FTCDNL1: variants seen among roughly 807,000 people sequenced by gnomAD.
The protein encoded by FTCDNL1 is formiminotransferase N-terminal subdomain-containing protein.
In FTCDNL1, 11 loss-of-function variants were observed where a neutral mutation model predicts 5.9. That is an observed-to-expected ratio of 1.87 (90% CI 1.18 to 3.10). The LOEUF (loss-of-function observed/expected upper bound fraction) is 3.10. Ranked by LOEUF, FTCDNL1 falls within the 30% of genes most tolerant of loss-of-function variation. The pLI is 0.00. For synonymous variants in FTCDNL1, 58 were observed against 24.8 expected, an observed-to-expected ratio of 2.34 and a Z score of -3.99; for missense variants, 115 against 65.5, an observed-to-expected ratio of 1.76 and a Z score of -2.61.
chr2:199,727,452 G>C, the FTCDNL1 span, among the ~76,000 whole-genome samples: 1 of 152,170 alleles, frequency 6.6e-6, no homozygotes, highest in East Asian at 1.9e-4. Flanking sequence ...CAGATCTGTG[G>C]CAAAAGTGTG....
intron 3 of FTCDNL1, among the ~76,000 whole-genome samples, chr2:199,802,860 G>C (rs1233846547): frequency 6.6e-6 from 1 of 152,070 alleles, no homozygotes; most frequent in Non-Finnish European, 1.5e-5. Context: ...CACAAAACTA[G>C]AAGCTAATAG....
chr2:199,724,143 T>A, the FTCDNL1 span, among the ~76,000 whole-genome samples: 4 of 152,204 alleles, frequency 2.6e-5, no homozygotes, highest in African/African-American at 9.6e-5. Context: ...ATATATCCAT[T>A]TCTTTTAGAT....
chr2:199,771,332 C>G (rs1574462662), intron 3 of FTCDNL1, among the ~76,000 whole-genome samples: 1 of 152,226 alleles, frequency 6.6e-6, no homozygotes, highest in South Asian at 2.1e-4. Flanking sequence ...TATCAGACAC[C>G]ATTTAGTGCC....
intron 3 of FTCDNL1, among the ~76,000 whole-genome samples, chr2:199,834,545 C>A (rs1702584800): frequency 6.6e-6 from 1 of 152,152 alleles, no homozygotes; most frequent in Non-Finnish European, 1.5e-5. Flanking sequence ...AGCTGTCCAG[C>A]CTCAGGCCTT....
rs187134952 is a variant in FTCDNL1, at chr2:199,823,924, A to G, written c.212-4167T>C. On this transcript the variant is annotated intron_variant, in intron 3 of 4. Transcript: ENST00000420128. ...AACTCCTAGATGGCCTCTTCTTCCA[A>G]TAGAATGTTGTTTCATCAACACTGA... Among the ~76,000 whole-genome samples the G allele has an allele frequency of 4.6e-5, 7 of 152,304 alleles. No homozygotes were observed. The East Asian group carries it at 1.3e-3, about 29-fold the overall frequency.
Position 199,792,130 on chromosome 2 carries a change from T to C in FTCDNL1, c.212-31295A>G, listed in dbSNP as rs1026744415. Among the ~76,000 whole-genome samples, 5 of 137,196 alleles carry C rather than the reference T, an allele frequency of 3.6e-5. No homozygotes were observed. In the South Asian group the frequency reaches 8.7e-4, roughly 24 times the overall value. 90.0% of individuals were successfully genotyped at this position (137,196 alleles called of 152,430 possible). On this transcript the variant is annotated intron_variant, in intron 3 of 3. Coordinates refer to the FTCDNL1 transcript ENST00000416668. The stretch of plus-strand genomic sequence containing the variant: ...AATTTTGTTGAAAAGAAAAAGCAAA[T>C]GGTGGGAGATGAAATTTTGAAAAAA...
the FTCDNL1 span, among the ~76,000 whole-genome samples, chr2:199,715,539 T>C: frequency 6.6e-6 from 1 of 152,216 alleles, no homozygotes; most frequent in African/African-American, 2.4e-5. Context: ...TTCCCAGCCA[T>C]GGGGAACTGT....
At chr2:199,771,502 CAT>C (rs1192953775) in intron 3 of FTCDNL1, among the ~76,000 whole-genome samples, 3 of 152,148 alleles carry the variant, frequency 2.0e-5, no homozygotes, top group South Asian at 2.1e-4. Flanking sequence ...GATAAATACA[CAT>C]GTGTAAAAGA....
the FTCDNL1 span, among the ~76,000 whole-genome samples, chr2:199,707,626 C>T: frequency 0.051 from 7,702 of 151,540 alleles, 676 homozygotes; most frequent in African/African-American, 0.18. Context: ...TAACGTATCT[C>T]GTAGAGCAGG....
chr2:199,711,236 C>T, the FTCDNL1 span, among the ~76,000 whole-genome samples: 5 of 151,894 alleles, frequency 3.3e-5, no homozygotes, highest in South Asian at 1.0e-3. Flanking sequence ...TGAATTCACA[C>T]CCACAGTTTT....
At chr2:199,735,350 G>A in the FTCDNL1 span, among the ~76,000 whole-genome samples, 19 of 152,248 alleles carry the variant, frequency 1.2e-4, 1 homozygote, top group East Asian at 1.2e-3. Flanking sequence ...TGGTACAAGC[G>A]CAGCAACCTT....
At chr2:199,774,619 T>G (rs889664527) in intron 3 of FTCDNL1, among the ~76,000 whole-genome samples, 13 of 152,146 alleles carry the variant, frequency 8.5e-5, no homozygotes, top group African/African-American at 3.1e-4. Context: ...TTAAGGGTTT[T>G]TTTTAGTGCA....
chr2:199,786,477 G>A (rs1559185928), intron 3 of FTCDNL1, among the ~76,000 whole-genome samples: 1 of 152,086 alleles, frequency 6.6e-6, no homozygotes, highest in East Asian at 1.9e-4. Flanking sequence ...CTTTGAACTT[G>A]ATCGAATTCC....
At chr2:199,819,264 CCAGGACCCTG>C in intron 4 of FTCDNL1, 1 of 338,224 alleles carries the variant, frequency 3.0e-6, no homozygotes, top group Non-Finnish European at 5.6e-6. Flanking sequence ...ACAGGGGCCT[CCAGGACCCTG>C]CCCCAGTGCC....
chr2:199,844,682 C>T, intron 3 of FTCDNL1: 1 of 415,346 alleles, frequency 2.4e-6, no homozygotes, highest in South Asian at 7.3e-5. Context: ...CAAAATCTAA[C>T]CTTTCCCCTC....
chr2:199,782,186 T>G (rs1699400339), intron 3 of FTCDNL1, among the ~76,000 whole-genome samples: 1 of 152,228 alleles, frequency 6.6e-6, no homozygotes, highest in Non-Finnish European at 1.5e-5. Context: ...ACTCTCATGC[T>G]CCAGGATCCA....
intron 3 of FTCDNL1, among the ~76,000 whole-genome samples, chr2:199,795,847 C>A (rs1212767153): frequency 6.6e-6 from 1 of 152,038 alleles, no homozygotes; most frequent in Non-Finnish European, 1.5e-5. Flanking sequence ...ATCTCATTGT[C>A]ATCCATATTT....
At chr2:199,671,486 ACCT>A in the FTCDNL1 span, among the ~76,000 whole-genome samples, 3 of 151,836 alleles carry the variant, frequency 2.0e-5, no homozygotes, top group Non-Finnish European at 4.4e-5. Context: ...GAAAAAAAAA[ACCT>A]CCCAAACTCT....
Position 199,848,714 on chromosome 2 carries a change from A to G in FTCDNL1, c.115+134T>C, listed in dbSNP as rs529738721. 4 of 566,932 alleles carry G rather than the reference A, an allele frequency of 7.1e-6. No individual in the cohort carries two copies. The East Asian group carries it at 1.1e-4, about 16-fold the overall frequency. The allele number at this position is 566,932 out of a possible 1,614,324, so 35.1% of individuals were successfully genotyped here. On this transcript the variant is annotated intron_variant, in intron 2 of 4. Transcript: ENST00000420128. ...TATCCTGGAGTTGCGCAGAGCTGCAACAGCTCAAGAGCAAGGAGGAAAATT... is the reference window on the plus strand; with the variant it reads ...TATCCTGGAGTTGCGCAGAGCTGCAGCAGCTCAAGAGCAAGGAGGAAAATT...
Sources: gnomAD v4.1 joint callset for allele counts (sites outside exome capture counted in the v4.1 genomes callset) on GRCh38, gnomAD v4.1.1 for gene constraint, MANE v1.5 for transcripts, NCBI Gene and HGNC (gene_info 2026-07-23, HGNC 2026-07-21) for gene names.